The following WDR4 variants were observed in gnomAD, a reference collection of about 807,000 sequenced individuals.
WDR4 encodes WDR4 tRNA N7-guanosine methyltransferase non-catalytic subunit.
Under a neutral mutation model 48.6 loss-of-function variants are expected in WDR4, and 47 were observed. The ratio of observed to expected loss-of-function variants is 0.97; its 90% CI spans 0.77 to 1.23. WDR4 has a LOEUF of 1.23. WDR4 is among the 50% of genes most tolerant of loss of function. The pLI is 0.00. For synonymous variants in WDR4, 268 were observed against 230.0 expected (o/e 1.17, Z -1.49); for missense variants, 606 against 551.6 (o/e 1.10, Z -0.99).
chr21:42,854,519 G>A, intron 8 of WDR4, 43 bp downstream of exon 8: 2 of 1,594,798 alleles, frequency 1.3e-6, no homozygotes, highest in Non-Finnish European at 1.7e-6. Flanking sequence ...TCCCCCTGCA[G>A]GTCTGCAGAA....
chr21:42,882,546 G>A (rs982721609), upstream of WDR4, among the ~76,000 whole-genome samples: 2 of 151,470 alleles, frequency 1.3e-5, no homozygotes, highest in Non-Finnish European at 2.9e-5. Flanking sequence ...TGGGCAACAA[G>A]GGTGAAACTC....
At chr21:42,855,809 C>G (rs1164317568) in intron 6 of WDR4, 29 bp from the exon 7 acceptor site, 1 of 1,516,794 alleles carries the variant, frequency 6.6e-7, no homozygotes, top group Admixed American at 2.1e-5. Flanking sequence ...CAGGTTAGCA[C>G]ATGGTTGTGG....
intron 3 of WDR4, among the ~76,000 whole-genome samples, chr21:42,868,473 A>AG (rs1285304262): frequency 6.6e-6 from 1 of 152,146 alleles, no homozygotes; most frequent in Non-Finnish European, 1.5e-5. Context: ...CCCCACCACC[A>AG]GCCAGGCCTA....
chr21:42,860,905 A>G (rs2058098975), intron 5 of WDR4, among the ~76,000 whole-genome samples: 1 of 152,174 alleles, frequency 6.6e-6, no homozygotes, highest in Non-Finnish European at 1.5e-5. Context: ...GAACCAACTG[A>G]TACTGCAATG....
chr21:42,873,686 T>C lies in WDR4; in HGVS notation c.161A>G (p.Asp54Gly). ...EKKSQENKGE[D>G]APLDQGSGAI... ...ACCGCTCCCCTGGTCCAAGGGCGCG[T>C]CCTCCCTGAGGAAGAGAGGAGGAAG... The change falls in exon 3 of 11, where the codon GAC (aspartate) becomes GGC (glycine). Residue 54 changes from aspartate to glycine, a missense_variant. Physicochemically the swap from Asp to Gly is moderately conservative, Grantham distance 94. Transcript: ENST00000398208. The C allele has an allele frequency of 1.2e-6, 2 of 1,613,424 alleles. No homozygotes were observed. Among genetic ancestry groups the C allele is most frequent in the Non-Finnish European group, 1.7e-6 (2 of 1,179,728 alleles).
At chr21:42,868,313 C>A (rs1173273389) in intron 3 of WDR4, among the ~76,000 whole-genome samples, 1 of 152,218 alleles carries the variant, frequency 6.6e-6, no homozygotes, top group East Asian at 1.9e-4. Flanking sequence ...TGAGACACTA[C>A]CTCTGGACAG....
In WDR4 at chr21:42,863,522, C is replaced by G; in HGVS notation, c.371G>C (p.Gly124Ala). The change falls in exon 4 of 11, where the codon GGA becomes GCA. Residue 124 changes from glycine (G) to alanine (A), a missense_variant. By Grantham distance (60) the Gly-to-Ala change is moderately conservative. Coordinates refer to ENST00000398208, the MANE Select transcript of WDR4 (RefSeq NM_018669.6). ...EEKVLVADKS[G>A]DVYSFSVLEP... ...CAGCACCGAAAAGGAGTAGACGTCT[C>G]CAGACTTGTCGGCCACCAAGACCTT... The G allele has an allele frequency of 6.2e-7, 1 of 1,614,008 alleles. No homozygotes were observed. The highest frequency in any genetic ancestry group is 2.2e-5 in the East Asian group (1 of 44,840).
At position 42,849,968 on chromosome 21, in the gene WDR4, G is replaced by C; in HGVS notation, c.*81C>G. On this transcript the variant is annotated 3_prime_UTR_variant, in exon 11 of 11. Coordinates refer to ENST00000398208, the MANE Select transcript of WDR4 (RefSeq NM_018669.6). ...CAACTGATGTCACCTTTTCCTTCTT[G>C]AAGGGACATGCCAGGATGCAGGGGA... 6.4e-7 allele frequency: 1 copy of C among 1,557,816 alleles called. No homozygotes were observed. The highest frequency in any genetic ancestry group is 8.7e-7 in the Non-Finnish European group (1 of 1,144,064).
intron 3 of WDR4, among the ~76,000 whole-genome samples, chr21:42,865,686 C>T (rs571407420): frequency 6.6e-6 from 1 of 152,024 alleles, no homozygotes. Flanking sequence ...AATGGCAAGC[C>T]GGCCTGTCAC....
downstream of WDR4, among the ~76,000 whole-genome samples, chr21:42,846,922 G>C (rs2057715576): frequency 6.6e-6 from 1 of 152,070 alleles, no homozygotes; most frequent in Non-Finnish European, 1.5e-5. Flanking sequence ...TCGGGAGGCT[G>C]AGGTAGGAGA....
At chr21:42,844,116 A>T (rs1602672301) in intron 11 of WDR4, among the ~76,000 whole-genome samples, 1 of 152,186 alleles carries the variant, frequency 6.6e-6, no homozygotes. Context: ...GTGGAAACAG[A>T]ATCTACCAAA....
chr21:42,858,398 G>A (rs2058042228), intron 6 of WDR4, among the ~76,000 whole-genome samples: 2 of 152,216 alleles, frequency 1.3e-5, no homozygotes, highest in Non-Finnish European at 2.9e-5. Context: ...AAAACCCACA[G>A]GAGCAACCAG....
At chr21:42,879,811 T>A, upstream of WDR4, 1 of 412,458 alleles carries the variant, frequency 2.4e-6, no homozygotes, top group Non-Finnish European at 4.3e-6. Flanking sequence ...GTTCTGGATC[T>A]TTTTCCGCGG....
intron 10 of WDR4, among the ~76,000 whole-genome samples, 177 bp from the exon 11 acceptor site, chr21:42,850,419 G>C (rs950338722): frequency 1.3e-5 from 2 of 152,232 alleles, no homozygotes; most frequent in Non-Finnish European, 2.9e-5. Flanking sequence ...CCCACACCCT[G>C]GCTGGACCTG....
downstream of WDR4, among the ~76,000 whole-genome samples, chr21:42,845,564 C>T (rs947824906): frequency 6.6e-6 from 1 of 152,140 alleles, no homozygotes; most frequent in African/African-American, 2.4e-5. Flanking sequence ...GTAAGGTGGC[C>T]TCAGAGAACA....
At chr21:42,873,761 C>A in intron 2 of WDR4, 70 bp from the exon 3 acceptor site, 1 of 1,557,600 alleles carries the variant, frequency 6.4e-7, no homozygotes, top group Non-Finnish European at 8.7e-7. Context: ...TGTTGGCCAG[C>A]GTGGTAATTT....
chr21:42,868,658 G>A (rs951148999), intron 3 of WDR4, among the ~76,000 whole-genome samples: 2 of 152,224 alleles, frequency 1.3e-5, no homozygotes, highest in African/African-American at 2.4e-5. Context: ...GGCCCCACAG[G>A]CAGCCTAAGT....
At chr21:42,850,353 G>A in intron 10 of WDR4, 111 bp from the exon 11 acceptor site, 3 of 1,021,100 alleles carry the variant, frequency 2.9e-6, no homozygotes, top group Non-Finnish European at 2.8e-6. Context: ...AGAGTCCTCG[G>A]TGGACCGTGG....
rs773245702 is a variant in WDR4 at position 42,879,496 on chromosome 21, G to C, written c.-1C>G. On this transcript the variant is annotated 5_prime_UTR_variant, in exon 1 of 11. Transcript: ENST00000398208. ...ACGCCAGTCCCACAGAGCCCGCCAT[G>C]TACCCGCCCGCCTCACCGCCATACA... The C allele has an allele frequency of 1.2e-6, 2 of 1,612,990 alleles. No individual in the cohort carries two copies. The highest frequency in any genetic ancestry group is 8.5e-7 in the Non-Finnish European group (1 of 1,179,714).
Sources: allele counts gnomAD v4.1 joint callset (sites outside exome capture counted in the v4.1 genomes callset), GRCh38; gene constraint gnomAD v4.1.1; transcripts MANE v1.5; gene names NCBI Gene and HGNC (gene_info 2026-07-23, HGNC 2026-07-21).